C12orf75: variants seen among roughly 807,000 people sequenced by gnomAD.
C12orf75 encodes the protein chromosome 12 open reading frame 75.
Under a neutral mutation model 11.4 loss-of-function variants are expected in C12orf75, and 4 were observed. That is an observed-to-expected ratio of 0.35 (90% CI 0.17 to 0.80). The LOEUF (loss-of-function observed/expected upper bound fraction) is 0.80, where lower values mean the gene tolerates loss of function less well. C12orf75 is among the 30% of genes least tolerant of loss of function. C12orf75 has a pLI of 0.52. For missense variants in C12orf75, 89 were observed against 80.4 expected (o/e 1.11, Z -0.41); for synonymous variants, 30 against 30.0 (o/e 1.00, Z 0.00).
chr12:105,339,437 T>A (rs11112476), intron 1 of C12orf75, among the ~76,000 whole-genome samples: 48,122 of 148,484 alleles, frequency 0.32, 7,880 homozygotes, highest in East Asian at 0.37. Flanking sequence ...TAATTTTATT[T>A]CGGGTGTGTG....
rs950236962 is a variant in C12orf75 at position 105,330,721 on chromosome 12, C to A, written c.-171C>A. The stretch of plus-strand genomic sequence containing the variant: ...CCGCCCGGCAGCCCGCAGCCCGCTG[C>A]GCCCCGGGCCGCGTCTCCCGGCGGT... On this transcript the variant is annotated 5_prime_UTR_variant, in exon 1 of 6. Transcript: ENST00000443585. The A allele has an allele frequency of 5.6e-5, 30 of 534,986 alleles. No homozygotes were observed. Among genetic ancestry groups the A allele is most frequent in the Middle Eastern group, 6.3e-4 (1 of 1,588 alleles). 33.1% of individuals were successfully genotyped at this position (534,986 alleles called of 1,614,324 possible). A position where few individuals can be genotyped will look rare whatever the true frequency, so the allele number is the denominator to read the frequency against.
In C12orf75 at chr12:105,338,329, C is replaced by T. The variant is rs923559716; in HGVS notation, c.46+7392C>T. On this transcript the variant is annotated intron_variant, in intron 1 of 5. Transcript: ENST00000443585. ...AGCTGGGATTACAGGCATGCACCAC[C>T]GCACCCAGCTAATTTTGTATTTTTA... Among the ~76,000 whole-genome samples, 9 of 152,054 alleles carry T rather than the reference C, an allele frequency of 5.9e-5. No individual in the cohort carries two copies. In the South Asian group the frequency reaches 6.2e-4, roughly 11 times the overall value.
intron 2 of C12orf75, among the ~76,000 whole-genome samples, chr12:105,363,331 G>A (rs112048329): frequency 3.7e-4 from 57 of 152,352 alleles, no homozygotes; most frequent in African/African-American, 1.3e-3. Flanking sequence ...TAGTCCTAGT[G>A]TTGTAGAATA....
At chr12:105,362,214 G>A (rs1247429149) in intron 2 of C12orf75, among the ~76,000 whole-genome samples, 2 of 151,066 alleles carry the variant, frequency 1.3e-5, no homozygotes, top group East Asian at 2.0e-4. Flanking sequence ...GTGAAACCCC[G>A]TCTCTACTAA....
intron 1 of C12orf75, among the ~76,000 whole-genome samples, chr12:105,339,834 A>T (rs11112478): frequency 0.18 from 27,901 of 151,580 alleles, 2,886 homozygotes; most frequent in Non-Finnish European, 0.24. Context: ...GCTAGCTAGG[A>T]TGGTCTCGAT....
chr12:105,331,605 C>G (rs1348527724), intron 1 of C12orf75, among the ~76,000 whole-genome samples: 1 of 151,510 alleles, frequency 6.6e-6, no homozygotes, highest in Non-Finnish European at 1.5e-5. Context: ...CACACACACA[C>G]ACACACACAC....
At chr12:105,340,422 G>A (rs1892555358) in intron 1 of C12orf75, among the ~76,000 whole-genome samples, 3 of 91,060 alleles carry the variant, frequency 3.3e-5, no homozygotes, top group Non-Finnish European at 6.2e-5. Context: ...GAGACTCCGT[G>A]CCCCCGCCAA....
At chr12:105,366,453 A>G in intron 3 of C12orf75, 164 bp from the exon 4 acceptor site, 1 of 405,910 alleles carries the variant, frequency 2.5e-6, no homozygotes. Flanking sequence ...TTTTTAACCT[A>G]GGAAACCAAT....
At chr12:105,351,929 G>C (rs1172416508) in intron 2 of C12orf75, among the ~76,000 whole-genome samples, 1 of 152,100 alleles carries the variant, frequency 6.6e-6, no homozygotes, top group East Asian at 1.9e-4. Context: ...TTTTAGGGCA[G>C]TAACTCCCAA....
intron 2 of C12orf75, among the ~76,000 whole-genome samples, chr12:105,364,837 CTT>C (rs71440583): frequency 7.2e-5 from 9 of 125,682 alleles, no homozygotes; most frequent in Middle Eastern, 4.5e-3. Context: ...ATATGGACTC[CTT>C]TTTTTTTTTT....
At chr12:105,354,970 C>T (rs911274436) in intron 2 of C12orf75, among the ~76,000 whole-genome samples, 3 of 151,784 alleles carry the variant, frequency 2.0e-5, no homozygotes, top group Admixed American at 6.6e-5. Context: ...ATGGGACTAT[C>T]GAAAGGAGGA....
chr12:105,354,069 C>G (rs1344430037), intron 2 of C12orf75, among the ~76,000 whole-genome samples: 4 of 152,178 alleles, frequency 2.6e-5, no homozygotes, highest in Admixed American at 1.3e-4. Flanking sequence ...CTCTCTGCTC[C>G]TCATAGATAC....
intron 1 of C12orf75, among the ~76,000 whole-genome samples, chr12:105,336,093 T>C (rs567956398): frequency 6.6e-6 from 1 of 152,292 alleles, no homozygotes; most frequent in South Asian, 2.1e-4. Context: ...TAGCAGAAAA[T>C]GGAAGGCAGG....
chr12:105,351,706 A>G (rs1410190752), intron 2 of C12orf75, among the ~76,000 whole-genome samples: 1 of 152,192 alleles, frequency 6.6e-6, no homozygotes, highest in Non-Finnish European at 1.5e-5. Context: ...GGAGTGCCAG[A>G]GGACAGTAGG....
intron 4 of C12orf75, 110 bp downstream of exon 4, chr12:105,366,806 G>T: frequency 2.9e-6 from 2 of 678,912 alleles, no homozygotes; most frequent in Non-Finnish European, 5.2e-6. Flanking sequence ...TGTATTGGTT[G>T]CAGTGAACCA....
chr12:105,330,845 C>T lies in C12orf75; in HGVS notation c.-47C>T. 3 of 1,248,906 alleles carry T rather than the reference C, an allele frequency of 2.4e-6. No individual in the cohort carries two copies. The highest frequency in any genetic ancestry group is 3.1e-4 in the Middle Eastern group (1 of 3,220). 77.4% of individuals were successfully genotyped at this position (1,248,906 alleles called of 1,614,324 possible). A position where few individuals can be genotyped will look rare whatever the true frequency, so the allele number is the denominator to read the frequency against. The stretch of plus-strand genomic sequence containing the variant: ...TTCGTCTGGGTCTCCGCCCCCAGGA[C>T]CCGCGGCCGAGAGCTCCGGAGCGCG... On this transcript the variant is annotated 5_prime_UTR_variant, in exon 1 of 6. Coordinates refer to ENST00000443585, the MANE Select transcript of C12orf75 (RefSeq NM_001145199.2).
At chr12:105,336,874 C>A (rs181492801) in intron 1 of C12orf75, among the ~76,000 whole-genome samples, 187 of 152,300 alleles carry the variant, frequency 1.2e-3, no homozygotes, top group African/African-American at 4.3e-3. Flanking sequence ...GTGGAGACCC[C>A]TCTGCTCAGG....
At chr12:105,338,063 A>G (rs1299122578) in intron 1 of C12orf75, among the ~76,000 whole-genome samples, 1 of 152,250 alleles carries the variant, frequency 6.6e-6, no homozygotes, top group Non-Finnish European at 1.5e-5. Context: ...CAGTTTTACC[A>G]TGAGCCACTT....
chr12:105,341,095 C>T (rs74696320), intron 1 of C12orf75, among the ~76,000 whole-genome samples: 1 of 152,206 alleles, frequency 6.6e-6, no homozygotes, highest in Admixed American at 6.5e-5. Context: ...CAATATTTTT[C>T]TGCAGTAGTT....
Sources: gnomAD v4.1 joint callset for allele counts (sites outside exome capture counted in the v4.1 genomes callset) on GRCh38, gnomAD v4.1.1 for gene constraint, MANE v1.5 for transcripts, NCBI Gene and HGNC (gene_info 2026-07-23, HGNC 2026-07-21) for gene names.